The following IWS1 variants were observed in gnomAD, a reference collection of about 807,000 sequenced individuals.
The protein encoded by IWS1 is interacts with SUPT6H, CTD assembly factor 1.
A neutral mutation model predicts 86.7 loss-of-function variants in IWS1; 27 were observed. The ratio of observed to expected loss-of-function variants is 0.31; its 90% CI spans 0.23 to 0.43. IWS1 has a LOEUF of 0.43. Ranked by LOEUF, IWS1 falls within the 20% of genes least tolerant of loss-of-function variation. The pLI is 1.00. For synonymous variants in IWS1, 313 were observed against 335.1 expected (o/e 0.93, Z 0.72); for missense variants, 827 against 1,000.8 (o/e 0.83, Z 2.34).
At position 127,489,764 on chromosome 2, in the gene IWS1, T is replaced by C. The variant is rs1690123943; in HGVS notation, c.2159+68A>G. ...TATCATCTTGCAGGCTTCCTAATGA[T>C]CTTACTTAAAACTGAGTTACTGCAA... is the stretch of plus-strand genomic sequence containing the variant. On this transcript the variant is annotated intron_variant, in intron 11 of 13. Transcript: ENST00000295321. The surrounding 1 kb of genome is among the most constrained non-coding windows in gnomAD (Gnocchi z 4.8). 1.2e-6 allele frequency: 1 copy of C among 862,052 alleles called. No homozygotes were observed. 53.4% of individuals were successfully genotyped at this position (862,052 alleles called of 1,614,324 possible).
At chr2:127,503,343 C>T in intron 4 of IWS1, 44 bp downstream of exon 4, 1 of 1,450,678 alleles carries the variant, frequency 6.9e-7, no homozygotes, top group Non-Finnish European at 9.5e-7. Context: ...CTCTCTACTG[C>T]CTAATTAAGA....
intron 2 of IWS1, among the ~76,000 whole-genome samples, chr2:127,520,092 A>G (rs1445073192): frequency 1.3e-5 from 2 of 152,226 alleles, no homozygotes; most frequent in Non-Finnish European, 2.9e-5. Context: ...ACCAAGTTGT[A>G]TCAAGTTGTT....
At chr2:127,526,135 G>A in intron 1 of IWS1, 40 bp downstream of exon 1, 2 of 1,567,962 alleles carry the variant, frequency 1.3e-6, no homozygotes, top group South Asian at 1.2e-5. Flanking sequence ...CCGAGTAACT[G>A]CTCCGCCTCC....
chr2:127,490,083 T>G (rs1690144396), intron 10 of IWS1, 140 bp from the exon 11 acceptor site: 1 of 633,654 alleles, frequency 1.6e-6, no homozygotes, highest in African/African-American at 1.8e-5. Flanking sequence ...TCAGAGTAAT[T>G]TATAGGATAA....
In IWS1 at chr2:127,489,107, C is replaced by T. The variant is rs1368362883; in HGVS notation, c.2216+72G>A. The T allele has an allele frequency of 1.1e-5, 12 of 1,047,108 alleles. No homozygotes were observed. Among genetic ancestry groups the T allele is most frequent in the Non-Finnish European group, 1.6e-5 (11 of 687,060 alleles). 64.9% of individuals were successfully genotyped at this position (1,047,108 alleles called of 1,614,324 possible). On this transcript the variant is annotated intron_variant, in intron 12 of 13. Coordinates refer to ENST00000295321, the MANE Select transcript of IWS1 (RefSeq NM_017969.3). This position sits in a 1 kb window ranked among gnomAD's most constrained non-coding sequence, Gnocchi z 4.8. ...TGAGAGCATAACATCATTTCATTTA[C>T]TACTTTTCTTAAAGCAGCAAACGGA...
chr2:127,511,814 T>C (rs906432687), intron 2 of IWS1, among the ~76,000 whole-genome samples: 3 of 152,208 alleles, frequency 2.0e-5, no homozygotes, highest in Non-Finnish European at 4.4e-5. Flanking sequence ...CAGGAAAATG[T>C]AGACAGAATC....
intron 2 of IWS1, among the ~76,000 whole-genome samples, chr2:127,520,705 T>TA (rs1473743152): frequency 1.3e-5 from 2 of 152,212 alleles, no homozygotes; most frequent in South Asian, 2.1e-4. Flanking sequence ...TAAAATGTCT[T>TA]AGTCTCTAAT....
intron 2 of IWS1, among the ~76,000 whole-genome samples, chr2:127,509,389 C>CA (rs950046315): frequency 2.6e-5 from 4 of 152,128 alleles, no homozygotes; most frequent in African/African-American, 7.2e-5. Context: ...ATTGAGCACT[C>CA]AGAAGGTCCT....
rs771459972 is a variant in IWS1 at position 127,489,130 on chromosome 2, G to A, written c.2216+49C>T. On this transcript the variant is annotated intron_variant, in intron 12 of 13. Transcript: ENST00000295321. This position sits in a 1 kb window ranked among gnomAD's most constrained non-coding sequence, Gnocchi z 4.8. The stretch of plus-strand genomic sequence containing the variant: ...TACTACTTTTCTTAAAGCAGCAAAC[G>A]GAAATTCTCTATATAGTCTAGGAAG... 6.8e-6 allele frequency: 9 copies of A among 1,328,230 alleles called. No homozygotes were observed. The highest frequency in any genetic ancestry group is 1.8e-4 in the Middle Eastern group (1 of 5,424). The allele number at this position is 1,328,230 out of a possible 1,614,324, so 82.3% of individuals were successfully genotyped here.
rs1419283644 is a variant in IWS1, at chr2:127,483,571, C to CGGGGGGGGGGGGGG, written c.2329-2397_2329-2396insCCCCCCCCCCCCCC. 4.5e-4 allele frequency among the ~76,000 whole-genome samples: 9 copies of CGGGGGGGGGGGGGG among 20,166 alleles called. 1 individual carries two copies. Among genetic ancestry groups the CGGGGGGGGGGGGGG allele is most frequent in the Admixed American group, 7.3e-4 (1 of 1,362 alleles). 13.2% of individuals were successfully genotyped at this position (20,166 alleles called of 152,430 possible). A position where few individuals can be genotyped will look rare whatever the true frequency, so the allele number is the denominator to read the frequency against. On this transcript the variant is annotated intron_variant, in intron 13 of 13. Coordinates refer to ENST00000295321, the MANE Select transcript of IWS1 (RefSeq NM_017969.3). ...AAAATAACCAAAATTATAATTTGGTCGGGGCGGGGGGTGGTGGGGTGGGGG... is the reference window on the plus strand; with the variant it reads ...AAAATAACCAAAATTATAATTTGGTCGGGGGGGGGGGGGGGGGGCGGGGGGTGGTGGGGTGGGGG...
At chr2:127,491,165 T>A (rs1284918424) in intron 10 of IWS1, among the ~76,000 whole-genome samples, 3 of 152,254 alleles carry the variant, frequency 2.0e-5, no homozygotes, top group Non-Finnish European at 4.4e-5. Flanking sequence ...AAGACCATTG[T>A]GCAAGTAACA....
chr2:127,497,160 G>A (rs72958600), intron 6 of IWS1, among the ~76,000 whole-genome samples: 18,503 of 152,144 alleles, frequency 0.12, 1,806 homozygotes, highest in African/African-American at 0.25. Context: ...TTAAAAGAAC[G>A]GTTGATCCTA....
intron 13 of IWS1, among the ~76,000 whole-genome samples, chr2:127,484,948 G>A (rs1273615199): frequency 6.6e-6 from 1 of 152,070 alleles, no homozygotes; most frequent in Admixed American, 6.6e-5. Context: ...AGTGAGTGGA[G>A]ATCGCACCAC....
chr2:127,502,018 C>T (rs1471207490), intron 5 of IWS1, among the ~76,000 whole-genome samples: 1 of 152,038 alleles, frequency 6.6e-6, no homozygotes, highest in Non-Finnish European at 1.5e-5. Context: ...ATATCTAGAG[C>T]CCTAAGTCTA....
chr2:127,522,404 A>G (rs1458829844), intron 2 of IWS1, among the ~76,000 whole-genome samples: 1 of 152,202 alleles, frequency 6.6e-6, no homozygotes, highest in Non-Finnish European at 1.5e-5. Context: ...GTTATCTTCT[A>G]GCAGACTACA....
intron 2 of IWS1, among the ~76,000 whole-genome samples, chr2:127,515,208 G>GTAA (rs1217667289): frequency 6.6e-6 from 1 of 152,166 alleles, no homozygotes; most frequent in Non-Finnish European, 1.5e-5. Flanking sequence ...TCACCCAAGG[G>GTAA]GTTAGTGGGA....
At chr2:127,498,105 C>T (rs772583877) in intron 6 of IWS1, 35 bp downstream of exon 6, 3 of 1,494,884 alleles carry the variant, frequency 2.0e-6, no homozygotes, top group South Asian at 2.3e-5. Flanking sequence ...GATTTTTAAA[C>T]TTCTCTTTAA....
At chr2:127,516,521 A>T (rs1444763680) in intron 2 of IWS1, among the ~76,000 whole-genome samples, 1 of 152,174 alleles carries the variant, frequency 6.6e-6, no homozygotes, top group Non-Finnish European at 1.5e-5. Context: ...AGTACTGCTG[A>T]GAGGCCAGGG....
intron 7 of IWS1, 29 bp from the exon 8 acceptor site, chr2:127,494,983 T>C (rs758371803): frequency 1.5e-6 from 2 of 1,368,730 alleles, no homozygotes; most frequent in South Asian, 1.3e-5. Flanking sequence ...AAGATTTTTT[T>C]TTAAAACAGT....
Sources: gnomAD v4.1 joint callset for allele counts (sites outside exome capture counted in the v4.1 genomes callset) on GRCh38, gnomAD v4.1.1 for gene constraint, Gnocchi (gnomAD v3.1) non-coding constraint, MANE v1.5 for transcripts, NCBI Gene and HGNC (gene_info 2026-07-23, HGNC 2026-07-21) for gene names.